Variants in C8orf88 observed in about 807,000 individuals in gnomAD.
C8orf88 encodes chromosome 8 open reading frame 88.
In C8orf88, 14 loss-of-function variants were observed where a neutral mutation model predicts 18.4. The ratio of observed to expected loss-of-function variants is 0.76; its 90% CI spans 0.50 to 1.19. The LOEUF (loss-of-function observed/expected upper bound fraction) is 1.19. C8orf88 is among the 50% of genes most tolerant of loss of function. The pLI is 0.00. For missense variants in C8orf88, 116 were observed against 134.7 expected, an observed-to-expected ratio of 0.86 and a Z score of 0.69; for synonymous variants, 45 against 42.9, an observed-to-expected ratio of 1.05 and a Z score of -0.19.
chr8:90,959,871 G>T (rs959023603), intron 5 of C8orf88, among the ~76,000 whole-genome samples: 6 of 151,312 alleles, frequency 4.0e-5, no homozygotes, highest in Non-Finnish European at 8.9e-5. Flanking sequence ...TTAAATTCCA[G>T]TCAAATGTAA....
chr8:90,959,521 T>G (rs1811094917), intron 5 of C8orf88: 1 of 151,508 alleles, frequency 6.6e-6, no homozygotes. Flanking sequence ...ATCAAGTACA[T>G]TTTTTCTTAT....
At chr8:90,960,075 T>G (rs1031959759) in intron 5 of C8orf88, among the ~76,000 whole-genome samples, 1 of 151,438 alleles carries the variant, frequency 6.6e-6, no homozygotes, top group Non-Finnish European at 1.5e-5. Flanking sequence ...GAACTACCGG[T>G]ACACAGAATG....
At chr8:90,961,057 A>C (rs1163052164) in intron 4 of C8orf88, among the ~76,000 whole-genome samples, 1 of 151,470 alleles carries the variant, frequency 6.6e-6, no homozygotes, top group Non-Finnish European at 1.5e-5. Context: ...GTAACCAAGG[A>C]AACAATGAAA....
intron 5 of C8orf88, among the ~76,000 whole-genome samples, chr8:90,960,021 T>C (rs1265976821): frequency 6.6e-6 from 1 of 150,482 alleles, no homozygotes; most frequent in East Asian, 1.9e-4. Flanking sequence ...AAACTTATCA[T>C]CCTTATCAGC....
At chr8:90,984,123 ATACTT>A (rs1377725078) in intron 1 of C8orf88, among the ~76,000 whole-genome samples, 1 of 152,194 alleles carries the variant, frequency 6.6e-6, no homozygotes, top group Non-Finnish European at 1.5e-5. Flanking sequence ...GCTGAGTACT[ATACTT>A]AAACTCCAAT....
chr8:90,972,711 A>T (rs1380926337), intron 3 of C8orf88, among the ~76,000 whole-genome samples: 2 of 152,148 alleles, frequency 1.3e-5, no homozygotes, highest in African/African-American at 4.8e-5. Flanking sequence ...AAGGAAAATC[A>T]GACCAGAAGA....
At chr8:90,978,930 T>G (rs1217049041) in intron 2 of C8orf88, among the ~76,000 whole-genome samples, 2 of 152,190 alleles carry the variant, frequency 1.3e-5, no homozygotes, top group Non-Finnish European at 2.9e-5. Context: ...ATAAGCAGTA[T>G]GCTTATTGAG....
intron 4 of C8orf88, among the ~76,000 whole-genome samples, chr8:90,967,438 C>A (rs1368474373): frequency 6.6e-6 from 1 of 151,666 alleles, no homozygotes; most frequent in Non-Finnish European, 1.5e-5. Context: ...GAAGTGTTAC[C>A]CCTCTTCATG....
chr8:90,972,057 T>C (rs753915330), intron 3 of C8orf88, among the ~76,000 whole-genome samples: 13 of 152,032 alleles, frequency 8.6e-5, no homozygotes, highest in Non-Finnish European at 1.9e-4. Flanking sequence ...TTAAGGTAAA[T>C]CATGAAGGTA....
At chr8:90,968,465 A>G (rs1467337742) in intron 4 of C8orf88, among the ~76,000 whole-genome samples, 1 of 151,358 alleles carries the variant, frequency 6.6e-6, no homozygotes, top group East Asian at 1.9e-4. Flanking sequence ...CAGAGCTAAA[A>G]CTATAAAACT....
intron 5 of C8orf88, among the ~76,000 whole-genome samples, chr8:90,959,696 C>G (rs961196447): frequency 6.6e-6 from 1 of 151,180 alleles, no homozygotes; most frequent in Non-Finnish European, 1.5e-5. Flanking sequence ...GAAAAAAATA[C>G]TATGAATTCC....
In C8orf88 at chr8:90,959,455, T is replaced by C. The variant is rs1811093263; in HGVS notation, c.331-425A>G. On this transcript the variant is annotated intron_variant, in intron 5 of 5. Transcript: ENST00000517562. ...TAGCACTGAAGTTTACATTTATTCTTACAGACCATGGATTACATATCCCAA... is the reference window on the plus strand; with the variant it reads ...TAGCACTGAAGTTTACATTTATTCTCACAGACCATGGATTACATATCCCAA... The C allele has an allele frequency of 8.6e-5, 13 of 151,654 alleles. No homozygotes were observed. In the Admixed American group the frequency reaches 8.6e-4, roughly 10 times the overall value. 9.4% of individuals were successfully genotyped at this position (151,654 alleles called of 1,614,324 possible).
In C8orf88 at chr8:90,960,822, G is replaced by A. The variant is rs1382205871; in HGVS notation, c.250C>T (p.Leu84=). 1 of 1,529,266 alleles carries A rather than the reference G, an allele frequency of 6.5e-7. No homozygotes were observed. The highest frequency in any genetic ancestry group is 8.8e-7 in the Non-Finnish European group (1 of 1,141,678). 94.7% of individuals were successfully genotyped at this position (1,529,266 alleles called of 1,614,324 possible). A position where few individuals can be genotyped will look rare whatever the true frequency, so the allele number is the denominator to read the frequency against. ...KERIKYSRDF[L]LKLSSVSICR... Reference sequence around the variant, plus strand: ...ATGGAAACACTTGAGAGCTTCAACAGGAAATCTCTGCTGTATTTAATTCTC... The same window carrying A: ...ATGGAAACACTTGAGAGCTTCAACAAGAAATCTCTGCTGTATTTAATTCTC... The change falls in exon 5 of 6, where the codon CTG becomes TTG. Residue 84 remains leucine (L), a synonymous_variant. Transcript: ENST00000517562.
At chr8:90,971,250 CTAAG>C (rs1811279189) in intron 3 of C8orf88, 109 bp from the exon 4 acceptor site, 1 of 500,222 alleles carries the variant, frequency 2.0e-6, no homozygotes, top group South Asian at 4.0e-5. Context: ...TTAGTAGGAG[CTAAG>C]TAATAAGCAA....
chr8:90,978,866 T>C (rs1442670032), intron 2 of C8orf88, among the ~76,000 whole-genome samples: 2 of 152,084 alleles, frequency 1.3e-5, no homozygotes, highest in Admixed American at 1.3e-4. Flanking sequence ...GAGATAAGAG[T>C]TCACAGTGTA....
chr8:90,958,771 C>A lies in C8orf88; in HGVS notation c.*236G>T. 2 of 406,408 alleles carry A rather than the reference C, an allele frequency of 4.9e-6. No individual in the cohort carries two copies. The highest frequency in any genetic ancestry group is 8.7e-6 in the Non-Finnish European group (2 of 229,038). The allele number at this position is 406,408 out of a possible 1,614,324, so 25.2% of individuals were successfully genotyped here. On this transcript the variant is annotated 3_prime_UTR_variant, in exon 6 of 6. Transcript: ENST00000517562. ...TATACAGTCTTCCCACTTCACTAAC[C>A]AAATTCCTACTTTCCAGTGTTACTT...
chr8:90,962,806 T>C (rs971688230), intron 4 of C8orf88, among the ~76,000 whole-genome samples: 2 of 151,668 alleles, frequency 1.3e-5, no homozygotes, highest in Non-Finnish European at 3.0e-5. Context: ...CAAAGTCCAT[T>C]TGTCCAAACA....
intron 4 of C8orf88, among the ~76,000 whole-genome samples, chr8:90,961,527 A>G (rs1310223198): frequency 6.6e-6 from 1 of 151,370 alleles, no homozygotes; most frequent in Admixed American, 6.6e-5. Flanking sequence ...TCAGAAATAC[A>G]TGTGAAGGAA....
chr8:90,964,488 T>C (rs1340555461), intron 4 of C8orf88, among the ~76,000 whole-genome samples: 4 of 151,646 alleles, frequency 2.6e-5, no homozygotes, highest in African/African-American at 7.3e-5. Context: ...AGTTTACTGC[T>C]TGTAAACTTG....
Sources: allele counts gnomAD v4.1 joint callset (sites outside exome capture counted in the v4.1 genomes callset), GRCh38; gene constraint gnomAD v4.1.1; transcripts MANE v1.5; gene names NCBI Gene and HGNC (gene_info 2026-07-23, HGNC 2026-07-21).